AGBL3: variants seen among roughly 807,000 people sequenced by gnomAD.
The protein encoded by AGBL3 is cytosolic carboxypeptidase 3.
A neutral mutation model predicts 94.5 loss-of-function variants in AGBL3; 68 were observed. The observed-to-expected ratio is 0.72, with a 90% confidence interval of 0.59 to 0.88. The LOEUF is 0.88. AGBL3 is among the 40% of genes least tolerant of loss of function. The probability of loss-of-function intolerance (pLI) is 0.00; values close to 1 mark genes in which losing one functional copy is unlikely to be tolerated. For missense variants in AGBL3, 934 were observed against 1,103.8 expected, an observed-to-expected ratio of 0.85 and a Z score of 2.18; for synonymous variants, 354 against 370.7, an observed-to-expected ratio of 0.95 and a Z score of 0.52.
chr7:134,994,827 A>C (rs1439200661), intron 4 of AGBL3, among the ~76,000 whole-genome samples: 3 of 152,214 alleles, frequency 2.0e-5, no homozygotes, highest in African/African-American at 7.2e-5. Flanking sequence ...AAATATATTA[A>C]AGAATTCATG....
chr7:135,073,744 C>T (rs1305380745), intron 12 of AGBL3, among the ~76,000 whole-genome samples: 1 of 151,778 alleles, frequency 6.6e-6, no homozygotes, highest in Non-Finnish European at 1.5e-5. Flanking sequence ...TGACTGGGGG[C>T]TACATACACC....
At chr7:134,988,323 T>C (rs1306741753) in intron 2 of AGBL3, 6 of 238,550 alleles carry the variant, frequency 2.5e-5, no homozygotes, top group Non-Finnish European at 4.1e-5. Context: ...TATGTGCTGA[T>C]TGGATTGTGT....
chr7:135,125,996 C>G (rs1827821205), intron 16 of AGBL3, among the ~76,000 whole-genome samples: 1 of 152,138 alleles, frequency 6.6e-6, no homozygotes, highest in Non-Finnish European at 1.5e-5. Flanking sequence ...GACAAGGATG[C>G]CCTCTCTCAC....
chr7:135,042,160 A>T (rs189830330), intron 8 of AGBL3, among the ~76,000 whole-genome samples: 3 of 152,282 alleles, frequency 2.0e-5, no homozygotes, highest in Non-Finnish European at 4.4e-5. Flanking sequence ...CAGCAATCTC[A>T]TTCCTAGGTA....
intron 4 of AGBL3, among the ~76,000 whole-genome samples, chr7:135,004,221 T>C (rs1247518006): frequency 3.3e-5 from 5 of 151,750 alleles, no homozygotes; most frequent in Admixed American, 3.3e-4. Flanking sequence ...ATTTGACCTA[T>C]TATGTTGGTG....
At position 134,993,666 on chromosome 7, in the gene AGBL3, G is replaced by A; in HGVS notation, c.298G>A (p.Val100Ile). The A allele has an allele frequency of 6.5e-7, 1 of 1,550,254 alleles. No individual in the cohort carries two copies. The highest frequency in any genetic ancestry group is 1.2e-5 in the South Asian group (1 of 83,556). Residue 100 changes from valine (V) to isoleucine (I), a missense_variant, in exon 4 of 17, where the codon GTC becomes ATC. Val to Ile is a conservative substitution (Grantham distance 29, BLOSUM62 3). Transcript: ENST00000436302. ...PYHCEVIDEK[V>I]QHIDWTPSCP... The stretch of plus-strand genomic sequence containing the variant: ...CCATTGTGAAGTCATCGATGAAAAA[G>A]TCCAGCATATTGGTATGTTTTTAGC...
At chr7:135,010,142 C>T (rs1007963642) in intron 4 of AGBL3, 1 of 404,476 alleles carries the variant, frequency 2.5e-6, no homozygotes, top group African/African-American at 2.2e-5. Flanking sequence ...GATTCGCCTG[C>T]TTCAGCCTCC....
At chr7:135,104,912 A>G (rs1824426124) in intron 15 of AGBL3, among the ~76,000 whole-genome samples, 1 of 151,868 alleles carries the variant, frequency 6.6e-6, no homozygotes, top group African/African-American at 2.4e-5. Flanking sequence ...TGCTGTGCAG[A>G]AGCTCTTAAG....
intron 14 of AGBL3, among the ~76,000 whole-genome samples, 188 bp from the exon 15 acceptor site, chr7:135,081,531 G>C (rs1820923032): frequency 6.6e-6 from 1 of 151,938 alleles, no homozygotes; most frequent in South Asian, 2.1e-4. Flanking sequence ...TGGCCCAAAA[G>C]GTATGAACAT....
chr7:135,079,108 G>A (rs1820707482), intron 13 of AGBL3, among the ~76,000 whole-genome samples: 1 of 151,968 alleles, frequency 6.6e-6, no homozygotes, highest in Admixed American at 6.6e-5. Flanking sequence ...CTGACCTGGT[G>A]ATATTTTTCT....
intron 15 of AGBL3, among the ~76,000 whole-genome samples, chr7:135,101,683 A>T (rs1823848584): frequency 6.6e-6 from 1 of 152,104 alleles, no homozygotes; most frequent in Non-Finnish European, 1.5e-5. Context: ...CTAATTGAAG[A>T]CTAATATAGT....
In AGBL3 at chr7:135,003,919, TCA is replaced by T. The variant is rs1161149904; in HGVS notation, c.310+10242_310+10243del. Among the ~76,000 whole-genome samples the T allele has an allele frequency of 2.0e-5, 3 of 151,504 alleles. 1 individual carries two copies. Among genetic ancestry groups the T allele is most frequent in the Admixed American group, 2.0e-4 (3 of 15,224 alleles). On this transcript the variant is annotated intron_variant, in intron 4 of 16. Transcript: ENST00000436302. ...TTAATGTAATTATATCTCCTAATTTTCAGTTTTTATACCTTATATTTCTTTTT... is the reference window on the plus strand; with the variant it reads ...TTAATGTAATTATATCTCCTAATTTTGTTTTTATACCTTATATTTCTTTTT...
chr7:135,039,355 A>C (rs1054021111), intron 8 of AGBL3, among the ~76,000 whole-genome samples: 5 of 152,170 alleles, frequency 3.3e-5, no homozygotes, highest in African/African-American at 4.8e-5. Context: ...ACCTGAAAGA[A>C]AATGAAAATA....
chr7:135,007,645 T>C (rs1368789984), intron 4 of AGBL3, among the ~76,000 whole-genome samples: 1 of 151,964 alleles, frequency 6.6e-6, no homozygotes, highest in African/African-American at 2.4e-5. Flanking sequence ...TACGACATTG[T>C]AATGGAGGTT....
chr7:135,041,177 C>T (rs1362932030), intron 8 of AGBL3, among the ~76,000 whole-genome samples: 2 of 152,084 alleles, frequency 1.3e-5, no homozygotes, highest in African/African-American at 4.8e-5. Flanking sequence ...AGACTAAACA[C>T]AGTAAAATAT....
Position 135,115,493 on chromosome 7 carries a change from G to T in AGBL3, c.2224G>T (p.Val742Phe). The T allele has an allele frequency of 6.4e-7, 1 of 1,551,206 alleles. No homozygotes were observed. The highest frequency in any genetic ancestry group is 8.7e-7 in the Non-Finnish European group (1 of 1,146,632). Reference protein sequence around the residue: ...EKRSYKDKGIVQTQEILQYLL... With the variant: ...EKRSYKDKGIFQTQEILQYLL... ...AAGAAGCTACAAGGATAAAGGAATA[G>T]TTCAAACTCAAGAAATATTGCAGTA... Residue 742 changes from valine (V) to phenylalanine (F), a missense_variant, in exon 16 of 17, where the codon GTT becomes TTT. Around this residue, in one of 3 missense-constraint regions of AGBL3, gnomAD observed 441 missense variants for 518.2 expected, o/e 0.85. Transcript: ENST00000436302.
Position 135,037,466 on chromosome 7 carries a change from T to C in AGBL3, c.1386T>C (p.His462=). 4 of 1,550,204 alleles carry C rather than the reference T, an allele frequency of 2.6e-6. No individual in the cohort carries two copies. The highest frequency in any genetic ancestry group is 2.4e-5 in the South Asian group (2 of 83,840). ...TTTTATACTGTGATCTTCATGGCCA[T>C]AGTAGGAAAGAGAACATCTTCATGT... ...EVILYCDLHG[H]SRKENIFMYG... The change falls in exon 8 of 17, where the codon CAT becomes CAC. Residue 462 remains histidine (H), a synonymous_variant. Coordinates refer to ENST00000436302, the MANE Select transcript of AGBL3 (RefSeq NM_178563.4).
intron 8 of AGBL3, among the ~76,000 whole-genome samples, chr7:135,041,858 G>A (rs1484948304): frequency 6.6e-6 from 1 of 152,088 alleles, no homozygotes; most frequent in Admixed American, 6.6e-5. Context: ...AATTAAAAAT[G>A]GCAATAATCT....
intron 15 of AGBL3, among the ~76,000 whole-genome samples, chr7:135,082,906 T>C (rs547153968): frequency 6.7e-4 from 102 of 152,266 alleles, no homozygotes; most frequent in African/African-American, 2.4e-3. Context: ...TGTAGGTAAC[T>C]ATCTGCTATA....
Sources: allele counts gnomAD v4.1 joint callset (sites outside exome capture counted in the v4.1 genomes callset), GRCh38; gene constraint gnomAD v4.1.1; regional missense constraint gnomAD v4.1.1; transcripts MANE v1.5; gene names NCBI Gene and HGNC (gene_info 2026-07-23, HGNC 2026-07-21).